Variants in ATP6V0D1 observed in about 807,000 individuals in gnomAD.
ATP6V0D1 encodes the protein ATPase H+ transporting V0 subunit d1.
A neutral mutation model predicts 39.0 loss-of-function variants in ATP6V0D1; 13 were observed. That is an observed-to-expected ratio of 0.33 (90% CI 0.22 to 0.53). The LOEUF is 0.53. ATP6V0D1 is among the 20% of genes least tolerant of loss of function. The pLI, the probability that ATP6V0D1 is intolerant of heterozygous loss-of-function variation, is 0.94. For synonymous variants in ATP6V0D1, 191 were observed against 191.2 expected (o/e 1.00, Z 0.01); for missense variants, 272 against 470.9 (o/e 0.58, Z 3.91).
chr16:67,473,315 C>T (rs1244730333), intron 1 of ATP6V0D1, among the ~76,000 whole-genome samples: 1 of 152,070 alleles, frequency 6.6e-6, no homozygotes, highest in Non-Finnish European at 1.5e-5. Context: ...TTTAAGCATA[C>T]TCACAGAATT....
Position 67,453,852 on chromosome 16 carries a change from T to TGAGCCAACAGGGA in ATP6V0D1, c.131-138_131-137insTCCCTGTTGGCTC. On this transcript the variant is annotated intron_variant, in intron 1 of 7. Coordinates refer to ENST00000290949, the MANE Select transcript of ATP6V0D1 (RefSeq NM_004691.5). The surrounding 1 kb of genome is among the most constrained non-coding windows in gnomAD (Gnocchi z 4.1). ...GCTACTACCCTGATCTCCATCTCCCTGTTGGCTCAGGGCCTACCACAGGGC... is the reference window on the plus strand; with the variant it reads ...GCTACTACCCTGATCTCCATCTCCCTGAGCCAACAGGGAGTTGGCTCAGGGCCTACCACAGGGC... 2 of 817,928 alleles carry TGAGCCAACAGGGA rather than the reference T, an allele frequency of 2.4e-6. No homozygotes were observed. The highest frequency in any genetic ancestry group is 1.7e-5 in the African/African-American group (1 of 58,680). The allele number at this position is 817,928 out of a possible 1,614,324, so 50.7% of individuals were successfully genotyped here. A position where few individuals can be genotyped will look rare whatever the true frequency, so the allele number is the denominator to read the frequency against.
chr16:67,461,195 T>C (rs995293911), intron 1 of ATP6V0D1, among the ~76,000 whole-genome samples: 23 of 152,332 alleles, frequency 1.5e-4, no homozygotes, highest in Admixed American at 1.3e-4. Flanking sequence ...CTCCTCTCCA[T>C]GGTCTGTCCC....
At chr16:67,474,718 C>T (rs1040320003) in intron 1 of ATP6V0D1, among the ~76,000 whole-genome samples, 2 of 152,164 alleles carry the variant, frequency 1.3e-5, no homozygotes, top group African/African-American at 2.4e-5. Context: ...ACCGTGGACA[C>T]ACCGCTATCT....
At chr16:67,463,048 T>A (rs759084303) in intron 1 of ATP6V0D1, among the ~76,000 whole-genome samples, 3 of 152,142 alleles carry the variant, frequency 2.0e-5, no homozygotes, top group Non-Finnish European at 2.9e-5. Context: ...AATAAGCAGG[T>A]CAGGCTGGAT....
rs894052583 is a variant in ATP6V0D1 at position 67,477,775 on chromosome 16, C to T, written c.130+3182G>A. Among the ~76,000 whole-genome samples, 8 of 152,232 alleles carry T rather than the reference C, an allele frequency of 5.3e-5. No individual in the cohort carries two copies. In the South Asian group the frequency reaches 1.7e-3, roughly 32 times the overall value. ...GCAAGCTCCGCCTCCCGGGTTCACG[C>T]CATTCTCCTACCTCAGCCTCCGGAG... On this transcript the variant is annotated intron_variant, in intron 1 of 7. Coordinates refer to ENST00000290949, the MANE Select transcript of ATP6V0D1 (RefSeq NM_004691.5).
At chr16:67,470,469 A>T (rs1383321017) in intron 1 of ATP6V0D1, among the ~76,000 whole-genome samples, 1 of 152,228 alleles carries the variant, frequency 6.6e-6, no homozygotes, top group East Asian at 1.9e-4. Flanking sequence ...GCTCCATGCC[A>T]GGTGTCCTCG....
chr16:67,469,591 G>T (rs925878889), intron 1 of ATP6V0D1, among the ~76,000 whole-genome samples: 1 of 152,102 alleles, frequency 6.6e-6, no homozygotes, highest in East Asian at 1.9e-4. Flanking sequence ...TGGCTTCATG[G>T]GGGTTCCCTA....
intron 4 of ATP6V0D1, among the ~76,000 whole-genome samples, chr16:67,442,436 C>T (rs1477443227): frequency 6.6e-6 from 1 of 151,924 alleles, no homozygotes; most frequent in Middle Eastern, 3.2e-3. Flanking sequence ...CACCCCTAAC[C>T]TAACTGGTCT....
Position 67,481,099 on chromosome 16 carries a change from A to G in ATP6V0D1, c.-13T>C, listed in dbSNP as rs757350377. 6.2e-7 allele frequency: 1 copy of G among 1,613,724 alleles called. No homozygotes were observed. Among genetic ancestry groups the G allele is most frequent in the South Asian group, 1.1e-5 (1 of 91,072 alleles). ...GGAAGAACGACATGGCTGCTGCGGG[A>G]GCGGCGGGACCGGAGAACCAGGACC... On this transcript the variant is annotated 5_prime_UTR_variant, in exon 1 of 8. Transcript: ENST00000290949.
Position 67,465,128 on chromosome 16 carries a change from A to G in ATP6V0D1, c.131-11413T>C, listed in dbSNP as rs2041318995. Among the ~76,000 whole-genome samples the G allele has an allele frequency of 3.3e-5, 5 of 152,310 alleles. No individual in the cohort carries two copies. The South Asian group carries it at 1.0e-3, about 32-fold the overall frequency. Reference sequence around the variant, plus strand: ...TCTAGTGCAGGATAGATTTTTTAAAACATCAGCCAGGGAGTAGGTGTTGGA... The same window carrying G: ...TCTAGTGCAGGATAGATTTTTTAAAGCATCAGCCAGGGAGTAGGTGTTGGA... On this transcript the variant is annotated intron_variant, in intron 1 of 7. Transcript: ENST00000290949.
chr16:67,466,513 G>A (rs1292327031), intron 1 of ATP6V0D1, among the ~76,000 whole-genome samples: 1 of 145,064 alleles, frequency 6.9e-6, no homozygotes, highest in Non-Finnish European at 1.5e-5. Context: ...TGGGCAACAA[G>A]AATAAAACTC....
chr16:67,439,797 G>A, intron 4 of ATP6V0D1: 1 of 196,692 alleles, frequency 5.1e-6, no homozygotes, highest in South Asian at 1.0e-4. Context: ...CAAGGCAGGT[G>A]GATCACGAGG....
chr16:67,439,059 T>C lies in ATP6V0D1; in HGVS notation c.728A>G (p.His243Arg), dbSNP rs1387837427. 6.2e-7 allele frequency: 1 copy of C among 1,614,090 alleles called. No homozygotes were observed. The change falls in exon 6 of 8, where the codon CAC (histidine) becomes CGC (arginine). Residue 243 changes from histidine (H) to arginine (R), a missense_variant. Around this residue, in one of 4 missense-constraint regions of ATP6V0D1, gnomAD observed 135 missense variants for 273.8 expected, o/e 0.49. Coordinates refer to ENST00000290949, the MANE Select transcript of ATP6V0D1 (RefSeq NM_004691.5). Reference sequence around the variant, plus strand: ...GCCCTCAGGGTAGAGCCGCCCACAGTGTGGAAAGAGCTTGGCACGGTCCTC... The same window carrying C: ...GCCCTCAGGGTAGAGCCGCCCACAGCGTGGAAAGAGCTTGGCACGGTCCTC... The part of the protein sequence containing the change: ...SKEDRAKLFP[H>R]CGRLYPEGLA...
intron 4 of ATP6V0D1, chr16:67,439,675 C>T (rs1335373512): frequency 2.6e-6 from 1 of 390,562 alleles, no homozygotes; most frequent in Non-Finnish European, 4.7e-6. Context: ...TCCCCTGCTG[C>T]TCTGCCTTCC....
chr16:67,466,556 C>T (rs898081200), intron 1 of ATP6V0D1, among the ~76,000 whole-genome samples: 3 of 151,588 alleles, frequency 2.0e-5, no homozygotes, highest in African/African-American at 7.3e-5. Context: ...AGAAGTTGGC[C>T]GGGCACGGTG....
At chr16:67,442,502 C>T (rs1004484317) in intron 4 of ATP6V0D1, among the ~76,000 whole-genome samples, 17 of 151,484 alleles carry the variant, frequency 1.1e-4, no homozygotes, top group Admixed American at 3.9e-4. Context: ...CTCCGGTCCC[C>T]TGGCTCTTTA....
Position 67,444,846 on chromosome 16 carries a change from C to G in ATP6V0D1, c.303-140G>C. The G allele has an allele frequency of 1.3e-6, 1 of 744,754 alleles. No individual in the cohort carries two copies. Among genetic ancestry groups the G allele is most frequent in the East Asian group, 3.0e-5 (1 of 33,228 alleles). The allele number at this position is 744,754 out of a possible 1,614,324, so 46.1% of individuals were successfully genotyped here. On this transcript the variant is annotated intron_variant, in intron 2 of 7. Coordinates refer to ENST00000290949, the MANE Select transcript of ATP6V0D1 (RefSeq NM_004691.5). This position sits in a 1 kb window ranked among gnomAD's most constrained non-coding sequence, Gnocchi z 4.8. ...GACTCATGGGTGCTGCGGATAAGCACCAGTGTCTCCTCTCCCTCCCCATGT... is the reference window on the plus strand; with the variant it reads ...GACTCATGGGTGCTGCGGATAAGCAGCAGTGTCTCCTCTCCCTCCCCATGT...
At position 67,453,001 on chromosome 16, in the gene ATP6V0D1, C is replaced by G. The variant is rs1432416291; in HGVS notation, c.302+543G>C. The stretch of plus-strand genomic sequence containing the variant: ...GAAAGGCAGCTAGACGTTCAGCCTG[C>G]CCCTCAACTCTACTCCGAACCAATC... On this transcript the variant is annotated intron_variant, in intron 2 of 7. Coordinates refer to ENST00000290949, the MANE Select transcript of ATP6V0D1 (RefSeq NM_004691.5). This position sits in a 1 kb window ranked among gnomAD's most constrained non-coding sequence, Gnocchi z 4.1. Among the ~76,000 whole-genome samples, 1 of 152,186 alleles carries G rather than the reference C, an allele frequency of 6.6e-6. No individual in the cohort carries two copies. Among genetic ancestry groups the G allele is most frequent in the African/African-American group, 2.4e-5 (1 of 41,442 alleles).
chr16:67,478,863 A>G (rs1413251876), intron 1 of ATP6V0D1, among the ~76,000 whole-genome samples: 4 of 152,158 alleles, frequency 2.6e-5, no homozygotes, highest in Non-Finnish European at 5.9e-5. Flanking sequence ...GTTACAGGAG[A>G]GCGGACAGCA....
Sources: allele counts gnomAD v4.1 joint callset (sites outside exome capture counted in the v4.1 genomes callset), GRCh38; gene constraint gnomAD v4.1.1; regional missense constraint gnomAD v4.1.1; non-coding constraint Gnocchi (gnomAD v3.1); transcripts MANE v1.5; gene names NCBI Gene and HGNC (gene_info 2026-07-23, HGNC 2026-07-21).